APP: variants seen among roughly 807,000 people sequenced by gnomAD.
The protein encoded by APP is amyloid-beta precursor protein.
A neutral mutation model predicts 101.4 loss-of-function variants in APP; 31 were observed. That is an observed-to-expected ratio of 0.31 (90% CI 0.23 to 0.41). APP has a LOEUF of 0.41. APP is among the 10% of genes least tolerant of loss of function. The pLI, the probability that APP is intolerant of heterozygous loss-of-function variation, is 1.00. For missense variants in APP, 839 were observed against 1,003.7 expected (o/e 0.84, Z 2.22); for synonymous variants, 366 against 364.4 (o/e 1.00, Z -0.05).
At chr21:26,077,075 A>G (rs561783283) in intron 3 of APP, among the ~76,000 whole-genome samples, 239 of 151,830 alleles carry the variant, frequency 1.6e-3, no homozygotes, top group Middle Eastern at 3.4e-3. Flanking sequence ...AAAAAAAAAA[A>G]AAAGAAAGAA....
At position 26,162,746 on chromosome 21, in the gene APP, C is replaced by T. The variant is rs1460532475; in HGVS notation, c.57+7818G>A. 2.7e-5 allele frequency among the ~76,000 whole-genome samples: 4 copies of T among 149,358 alleles called. No individual in the cohort carries two copies. In the South Asian group the frequency reaches 6.6e-4, roughly 25 times the overall value. ...TTCTTTATGCAACAGATCTCTTATTCTCATAAGTATCTTTTATGGCTGAAA... is the reference window on the plus strand; with the variant it reads ...TTCTTTATGCAACAGATCTCTTATTTTCATAAGTATCTTTTATGGCTGAAA... On this transcript the variant is annotated intron_variant, in intron 1 of 17. Coordinates refer to ENST00000346798, the MANE Select transcript of APP (RefSeq NM_000484.4).
intron 11 of APP, among the ~76,000 whole-genome samples, chr21:25,962,859 G>A (rs536774733): frequency 3.9e-5 from 6 of 152,120 alleles, no homozygotes; most frequent in Non-Finnish European, 8.8e-5. Context: ...CCAGGCTGGA[G>A]TGCAGTGGTG....
At chr21:26,046,524 TA>T (rs981986751) in intron 5 of APP, among the ~76,000 whole-genome samples, 13 of 147,904 alleles carry the variant, frequency 8.8e-5, no homozygotes, top group South Asian at 2.1e-4. Context: ...AGCAGCTCTT[TA>T]AAAAAAAAAT....
At chr21:25,974,308 A>G (rs2042145717) in intron 11 of APP, among the ~76,000 whole-genome samples, 1 of 152,152 alleles carries the variant, frequency 6.6e-6, no homozygotes. Flanking sequence ...GGTTACTTCT[A>G]AAATCCTTTG....
In APP at chr21:25,904,369, T is replaced by C. The variant is rs544446602; in HGVS notation, c.1963+655A>G. 1.2e-4 allele frequency among the ~76,000 whole-genome samples: 19 copies of C among 152,358 alleles called. No homozygotes were observed. In the East Asian group the frequency reaches 3.5e-3, roughly 28 times the overall value. ...GAAACTGTAAAAAAAGAAGTGTCTATTTCAGTGTTAATGGGATTTTTAAGT... is the reference window on the plus strand; with the variant it reads ...GAAACTGTAAAAAAAGAAGTGTCTACTTCAGTGTTAATGGGATTTTTAAGT... On this transcript the variant is annotated intron_variant, in intron 15 of 17. Transcript: ENST00000346798.
At chr21:25,991,475 T>C (rs1289532802) in intron 8 of APP, among the ~76,000 whole-genome samples, 1 of 152,132 alleles carries the variant, frequency 6.6e-6, no homozygotes, top group African/African-American at 2.4e-5. Context: ...CCTCCCGGGT[T>C]CAAGTGATTC....
rs35206910 is a variant in APP, at chr21:26,017,198, C to CAAAAAAAAAAAAAAA, written c.865+4627_865+4641dup. 5.9e-4 allele frequency among the ~76,000 whole-genome samples: 33 copies of CAAAAAAAAAAAAAAA among 56,360 alleles called. 4 individuals are homozygous for CAAAAAAAAAAAAAAA. The highest frequency in any genetic ancestry group is 2.2e-3 in the South Asian group (3 of 1,364). The allele number at this position is 56,360 out of a possible 152,430, so 37.0% of individuals were successfully genotyped here. A position where few individuals can be genotyped will look rare whatever the true frequency, so the allele number is the denominator to read the frequency against. On this transcript the variant is annotated intron_variant, in intron 6 of 17. Coordinates refer to ENST00000346798, the MANE Select transcript of APP (RefSeq NM_000484.4). ...TGGGTGACAGAGCGAGACTGTATCTCAAAAAAAAAAAAAAAAAAAATTCTT... is the reference window on the plus strand; with the variant it reads ...TGGGTGACAGAGCGAGACTGTATCTCAAAAAAAAAAAAAAAAAAAAAAAAAAAAAAAAAAATTCTT...
intron 5 of APP, among the ~76,000 whole-genome samples, chr21:26,046,212 C>G (rs1352210200): frequency 6.6e-6 from 1 of 151,714 alleles, no homozygotes; most frequent in Non-Finnish European, 1.5e-5. Context: ...GTAACATTAA[C>G]TAACCTGGCC....
chr21:25,913,792 C>A (rs950275432), intron 13 of APP, among the ~76,000 whole-genome samples: 8 of 152,132 alleles, frequency 5.3e-5, no homozygotes, highest in Non-Finnish European at 2.9e-5. Context: ...ACTCTTTTTA[C>A]TCTTTTTTTC....
chr21:26,112,195 G>A (rs775594173), intron 1 of APP, 49 bp from the exon 2 acceptor site: 7 of 1,570,782 alleles, frequency 4.5e-6, no homozygotes, highest in Non-Finnish European at 6.1e-6. Flanking sequence ...CTCCAAGGCA[G>A]AGGCTTGGAG....
At chr21:26,120,081 G>A (rs1292049325) in intron 1 of APP, among the ~76,000 whole-genome samples, 1 of 152,144 alleles carries the variant, frequency 6.6e-6, no homozygotes, top group Admixed American at 6.5e-5. Context: ...GCCGGGATCA[G>A]CTGACCCTTG....
At chr21:25,911,619 A>G in intron 14 of APP, 122 bp downstream of exon 14, 1 of 795,566 alleles carries the variant, frequency 1.3e-6, no homozygotes, top group Admixed American at 2.3e-5. Context: ...AATATTTATG[A>G]CTACATCAAA....
At chr21:25,959,292 G>A (rs2041473579) in intron 11 of APP, among the ~76,000 whole-genome samples, 1 of 152,156 alleles carries the variant, frequency 6.6e-6, no homozygotes, top group Non-Finnish European at 1.5e-5. Context: ...AATTAGCAAG[G>A]CATGGTGGTG....
chr21:26,135,949 C>T (rs1356387605), intron 1 of APP, among the ~76,000 whole-genome samples: 1 of 151,502 alleles, frequency 6.6e-6, no homozygotes, highest in African/African-American at 2.4e-5. Context: ...CTGAACAACA[C>T]AGTGAAACCC....
chr21:25,925,950 A>G (rs777076970), intron 13 of APP, among the ~76,000 whole-genome samples: 10 of 152,226 alleles, frequency 6.6e-5, no homozygotes, highest in Non-Finnish European at 1.0e-4. Flanking sequence ...AGCCAAAACC[A>G]AAAACAAACA....
chr21:25,884,867 G>A (rs569869385), intron 17 of APP, among the ~76,000 whole-genome samples: 1 of 152,312 alleles, frequency 6.6e-6, no homozygotes, highest in Admixed American at 6.5e-5. Context: ...CAAGGGCAGG[G>A]GAACACCTGG....
chr21:26,114,116 T>TA (rs1404458966), intron 1 of APP, among the ~76,000 whole-genome samples: 1 of 152,194 alleles, frequency 6.6e-6, no homozygotes, highest in Non-Finnish European at 1.5e-5. Flanking sequence ...CCATAGCTGG[T>TA]AAATATTCTG....
chr21:26,128,502 G>C (rs149354645), intron 1 of APP, among the ~76,000 whole-genome samples: 1,639 of 152,206 alleles, frequency 0.011, 12 homozygotes, highest in South Asian at 0.038. Flanking sequence ...ATACCACTAA[G>C]TTATTAAATA....
intron 5 of APP, among the ~76,000 whole-genome samples, chr21:26,034,055 TTAAA>T (rs2044973299): frequency 6.6e-6 from 1 of 152,196 alleles, no homozygotes; most frequent in African/African-American, 2.4e-5. Flanking sequence ...TCTATTTCCA[TTAAA>T]TAAACAGTGC....
Sources: allele counts gnomAD v4.1 joint callset (sites outside exome capture counted in the v4.1 genomes callset), GRCh38; gene constraint gnomAD v4.1.1; transcripts MANE v1.5; gene names NCBI Gene and HGNC (gene_info 2026-07-23, HGNC 2026-07-21).